Variants in TET1 observed in about 807,000 individuals in gnomAD.
TET1 encodes the protein methylcytosine dioxygenase TET1.
In TET1, 13 loss-of-function variants were observed where a neutral mutation model predicts 148.7. The observed-to-expected ratio is 0.09, with a 90% CI of 0.06 to 0.14. TET1 has a LOEUF of 0.14. Ranked by LOEUF, TET1 falls within the 10% of genes least tolerant of loss-of-function variation. The pLI is 1.00. For synonymous variants in TET1, 907 were observed against 937.2 expected (o/e 0.97, Z 0.59); for missense variants, 2,182 against 2,553.8 (o/e 0.85, Z 3.14).
At chr10:68,673,141 T>A in intron 8 of TET1, 96 bp downstream of exon 8, 1 of 1,000,606 alleles carries the variant, frequency 1.0e-6, no homozygotes, top group Non-Finnish European at 1.4e-6. Context: ...CTATAAAAAC[T>A]AAATATTGAA....
intron 2 of TET1, among the ~76,000 whole-genome samples, chr10:68,596,447 A>T (rs982151879): frequency 3.3e-5 from 5 of 152,062 alleles, no homozygotes; most frequent in East Asian, 1.9e-4. Flanking sequence ...GAATTATTTC[A>T]TAGCTAATAT....
At position 68,686,628 on chromosome 10, in the gene TET1, G is replaced by T; in HGVS notation, c.5325G>T (p.Lys1775Asn). 1.9e-6 allele frequency: 3 copies of T among 1,614,176 alleles called. No individual in the cohort carries two copies. The highest frequency in any genetic ancestry group is 2.5e-6 in the Non-Finnish European group (3 of 1,180,036). ...VLAHKIRAVE[K>N]KPIPRIKRKN... ...CACATAAGATAAGGGCAGTGGAAAA[G>T]AAACCTATTCCCCGAATCAAGCGGA... The change falls in exon 11 of 12, where the codon AAG becomes AAT. Residue 1775 changes from lysine to asparagine, a missense_variant. Transcript: ENST00000373644.
At chr10:68,659,478 T>C (rs1401573093) in intron 6 of TET1, among the ~76,000 whole-genome samples, 1 of 151,916 alleles carries the variant, frequency 6.6e-6, no homozygotes, top group Non-Finnish European at 1.5e-5. Flanking sequence ...GCCACCATGC[T>C]CAGCTAATTT....
intron 7 of TET1, among the ~76,000 whole-genome samples, chr10:68,670,081 G>C (rs924747592): frequency 3.9e-5 from 6 of 152,100 alleles, no homozygotes; most frequent in African/African-American, 1.2e-4. Flanking sequence ...TGTAGACTTT[G>C]TCTTTTTCCC....
At chr10:68,595,589 C>G (rs2053967776) in intron 2 of TET1, among the ~76,000 whole-genome samples, 1 of 140,512 alleles carries the variant, frequency 7.1e-6, no homozygotes, top group Non-Finnish European at 1.5e-5. Context: ...CCTGAAGCCA[C>G]AACACACACA....
rs780408777 is a variant in TET1, at chr10:68,646,013, C to T, written c.3284C>T (p.Pro1095Leu). Residue 1095 changes from proline (P) to leucine (L), a missense_variant, in exon 4 of 12, where the codon CCA becomes CTA. Transcript: ENST00000373644. ...ASIIKINYIK[P>L]EDKKVESTPT... Reference sequence around the variant, plus strand: ...ATAATTAAGATCAATTATATAAAACCAGAGGACAAAAAAGTTGAAAGTACA... The same window carrying T: ...ATAATTAAGATCAATTATATAAAACTAGAGGACAAAAAAGTTGAAAGTACA... 4 of 1,613,942 alleles carry T rather than the reference C, an allele frequency of 2.5e-6. No homozygotes were observed. Among genetic ancestry groups the T allele is most frequent in the Non-Finnish European group, 3.4e-6 (4 of 1,179,992 alleles).
intron 8 of TET1, among the ~76,000 whole-genome samples, chr10:68,676,749 G>C (rs2055367765): frequency 6.6e-6 from 1 of 152,106 alleles, no homozygotes; most frequent in South Asian, 2.1e-4. Flanking sequence ...AATCTTGTTT[G>C]TTCCCTAACT....
At position 68,573,287 on chromosome 10, in the gene TET1, C is replaced by A. The variant is rs770503544; in HGVS notation, c.949C>A (p.Leu317Ile). The stretch of plus-strand genomic sequence containing the variant: ...CTTGAACCTTAGAAACTGCTTGGCT[C>A]TTGGTGGGTCTACGTCTCCTACCTC... ...PDLNLRNCLA[L>I]GGSTSPTSVI... is the part of the protein sequence containing the mutation. Residue 317 changes from leucine (L) to isoleucine (I), a missense_variant, in exon 2 of 12, where the codon CTT (leucine) becomes ATT (isoleucine). Leu to Ile is a conservative substitution (Grantham distance 5, BLOSUM62 2). Coordinates refer to ENST00000373644, the MANE Select transcript of TET1 (RefSeq NM_030625.3). 2.5e-6 allele frequency: 4 copies of A among 1,614,010 alleles called. No homozygotes were observed. The highest frequency in any genetic ancestry group is 3.4e-6 in the Non-Finnish European group (4 of 1,180,002).
chr10:68,662,164 GC>G, intron 6 of TET1, among the ~76,000 whole-genome samples: 1 of 151,472 alleles, frequency 6.6e-6, no homozygotes, highest in Non-Finnish European at 1.5e-5. Context: ...GAACCACTGT[GC>G]CCTGCCCTAA....
chr10:68,587,997 G>A (rs545603218), intron 2 of TET1, among the ~76,000 whole-genome samples: 5 of 152,128 alleles, frequency 3.3e-5, no homozygotes, highest in Non-Finnish European at 7.4e-5. Flanking sequence ...CAAGTAGCTG[G>A]GAGTACAGGT....
chr10:68,626,365 C>CTTGT (rs1180346870), intron 3 of TET1, among the ~76,000 whole-genome samples: 2 of 151,436 alleles, frequency 1.3e-5, no homozygotes, highest in Non-Finnish European at 1.5e-5. Flanking sequence ...TATTTGCTTG[C>CTTGT]TTGTTTGTTT....
intron 3 of TET1, among the ~76,000 whole-genome samples, chr10:68,636,495 A>G (rs1052372270): frequency 6.6e-6 from 1 of 152,168 alleles, no homozygotes; most frequent in Non-Finnish European, 1.5e-5. Context: ...AGGCAGGAGG[A>G]TATCTTTAGC....
intron 7 of TET1, among the ~76,000 whole-genome samples, chr10:68,670,969 A>G (rs779319646): frequency 2.0e-5 from 3 of 152,108 alleles, no homozygotes; most frequent in Non-Finnish European, 4.4e-5. Flanking sequence ...GCATTATGCA[A>G]TTTTATTTTT....
intron 1 of TET1, among the ~76,000 whole-genome samples, chr10:68,564,921 G>T (rs573646726): frequency 8.5e-5 from 13 of 152,290 alleles, no homozygotes. Context: ...TACCGCGGTG[G>T]CTGAGATGGG....
intron 7 of TET1, among the ~76,000 whole-genome samples, chr10:68,668,075 TTTTG>T (rs955654516): frequency 6.6e-6 from 1 of 152,246 alleles, no homozygotes; most frequent in African/African-American, 2.4e-5. Flanking sequence ...ATTTGGCTTT[TTTTG>T]TTTGTTTGTT....
At position 68,646,004 on chromosome 10, in the gene TET1, A is replaced by G. The variant is rs569630690; in HGVS notation, c.3275A>G (p.Tyr1092Cys). 3 of 1,614,146 alleles carry G rather than the reference A, an allele frequency of 1.9e-6. No individual in the cohort carries two copies. Among genetic ancestry groups the G allele is most frequent in the Admixed American group, 3.3e-5 (2 of 60,008 alleles). ...CTTGCTTCGATAATTAAGATCAATT[A>G]TATAAAACCAGAGGACAAAAAAGTT... ...TQLASIIKIN[Y>C]IKPEDKKVES... The change falls in exon 4 of 12, where the codon TAT becomes TGT. Residue 1092 changes from tyrosine (Y) to cysteine (C), a missense_variant. This residue lies in a region of TET1 where 582 missense variants were observed against 599.5 expected (regional missense o/e 0.97). Coordinates refer to ENST00000373644, the MANE Select transcript of TET1 (RefSeq NM_030625.3).
At chr10:68,672,275 AGT>A (rs1328400903) in intron 7 of TET1, among the ~76,000 whole-genome samples, 1 of 151,726 alleles carries the variant, frequency 6.6e-6, no homozygotes, top group Non-Finnish European at 1.5e-5. Context: ...GATAACTTGA[AGT>A]CAGGAGTTTG....
At chr10:68,624,366 C>T (rs139141191) in intron 3 of TET1, among the ~76,000 whole-genome samples, 6,422 of 151,104 alleles carry the variant, frequency 0.043, 461 homozygotes, top group African/African-American at 0.15. Flanking sequence ...CTTGGCTCAC[C>T]GCAACCTCCG....
intron 7 of TET1, among the ~76,000 whole-genome samples, chr10:68,669,663 C>T (rs535555425): frequency 2.0e-5 from 3 of 150,180 alleles, no homozygotes; most frequent in African/African-American, 7.3e-5. Context: ...CCAGTGAACT[C>T]TTTTAAGACA....
Sources: gnomAD v4.1 joint callset for allele counts (sites outside exome capture counted in the v4.1 genomes callset) on GRCh38, gnomAD v4.1.1 for gene constraint, gnomAD v4.1.1 regional missense constraint, MANE v1.5 for transcripts, NCBI Gene and HGNC (gene_info 2026-07-23, HGNC 2026-07-21) for gene names.